The following AFG1L variants were observed in gnomAD, a reference collection of about 807,000 sequenced individuals.
AFG1L encodes AFG1-like ATPase.
AFG1L carries 53 observed loss-of-function variants against 62.2 expected under a neutral mutation model. The observed-to-expected ratio is 0.85, with a 90% CI of 0.68 to 1.07. The LOEUF (loss-of-function observed/expected upper bound fraction) is 1.07. Among genes scored for constraint, AFG1L ranks in the 50% least tolerant of loss-of-function variants. The pLI is 0.00. For missense variants in AFG1L, 555 were observed against 590.5 expected (o/e 0.94, Z 0.62); for synonymous variants, 228 against 210.3 (o/e 1.08, Z -0.73).
chr6:108,501,530 C>A (rs560284773), intron 10 of AFG1L, among the ~76,000 whole-genome samples: 2 of 152,352 alleles, frequency 1.3e-5, no homozygotes, highest in African/African-American at 4.8e-5. Flanking sequence ...GATCATATTA[C>A]TGTCCAATGC....
chr6:108,427,802 G>C (rs752289954), intron 7 of AFG1L, among the ~76,000 whole-genome samples: 11 of 152,110 alleles, frequency 7.2e-5, no homozygotes, highest in Non-Finnish European at 1.0e-4. Flanking sequence ...GATTACAGGC[G>C]TGAGCCACCA....
In AFG1L at chr6:108,522,577, G is replaced by T; in HGVS notation, c.*152G>T. 1 of 727,028 alleles carries T rather than the reference G, an allele frequency of 1.4e-6. No individual in the cohort carries two copies. Among genetic ancestry groups the T allele is most frequent in the Non-Finnish European group, 2.1e-6 (1 of 485,928 alleles). 45.0% of individuals were successfully genotyped at this position (727,028 alleles called of 1,614,324 possible). A position where few individuals can be genotyped will look rare whatever the true frequency, so the allele number is the denominator to read the frequency against. Reference sequence around the variant, plus strand: ...CTAAAATTGCTCTCAAGGATCTAGTGGATTAGTAAGTTAAACACTTAACAT... The same window carrying T: ...CTAAAATTGCTCTCAAGGATCTAGTTGATTAGTAAGTTAAACACTTAACAT... On this transcript the variant is annotated 3_prime_UTR_variant, in exon 13 of 13. Coordinates refer to ENST00000368977, the MANE Select transcript of AFG1L (RefSeq NM_145315.5).
intron 6 of AFG1L, among the ~76,000 whole-genome samples, chr6:108,369,861 C>T (rs1312990213): frequency 2.0e-5 from 3 of 152,130 alleles, no homozygotes; most frequent in Non-Finnish European, 4.4e-5. Flanking sequence ...ACACCTGCCT[C>T]GGCCTCCCAA....
intron 7 of AFG1L, among the ~76,000 whole-genome samples, chr6:108,416,666 T>TGG: frequency 6.6e-6 from 1 of 151,966 alleles, no homozygotes; most frequent in Non-Finnish European, 1.5e-5. Context: ...GAGCAAATTA[T>TGG]CATAAGGACA....
chr6:108,369,885 C>T (rs111608632), intron 6 of AFG1L, among the ~76,000 whole-genome samples: 13,151 of 152,130 alleles, frequency 0.086, 775 homozygotes, highest in South Asian at 0.18. Context: ...GCTAGGATTA[C>T]AGGCGTGAGC....
chr6:108,487,770 C>A (rs1162523840), intron 10 of AFG1L, among the ~76,000 whole-genome samples: 1 of 152,160 alleles, frequency 6.6e-6, no homozygotes, highest in Non-Finnish European at 1.5e-5. Flanking sequence ...AATCAGAAGC[C>A]AAGCATCACG....
chr6:108,518,251 C>A (rs2114915585), intron 11 of AFG1L, among the ~76,000 whole-genome samples: 1 of 152,256 alleles, frequency 6.6e-6, no homozygotes, highest in South Asian at 2.1e-4. Context: ...TTGGAACCAA[C>A]CCAAATGTCC....
At chr6:108,421,815 C>T (rs1400106712) in intron 7 of AFG1L, among the ~76,000 whole-genome samples, 2 of 152,012 alleles carry the variant, frequency 1.3e-5, no homozygotes, top group Admixed American at 1.3e-4. Context: ...CTTAAATCAA[C>T]ACTTCTTTTT....
At chr6:108,345,101 C>T (rs1778815958) in intron 2 of AFG1L, among the ~76,000 whole-genome samples, 1 of 152,158 alleles carries the variant, frequency 6.6e-6, no homozygotes, top group South Asian at 2.1e-4. Context: ...CATTTTCACA[C>T]TTGATGAATA....
At chr6:108,337,381 A>G (rs1314106928) in intron 2 of AFG1L, among the ~76,000 whole-genome samples, 10 of 152,210 alleles carry the variant, frequency 6.6e-5, no homozygotes. Context: ...TGTGTTCACT[A>G]CACATGCAGT....
At chr6:108,354,940 T>C (rs1779209150) in intron 3 of AFG1L, among the ~76,000 whole-genome samples, 1 of 152,212 alleles carries the variant, frequency 6.6e-6, no homozygotes, top group South Asian at 2.1e-4. Context: ...AAGGATTGAC[T>C]GTATCAGAAT....
intron 11 of AFG1L, among the ~76,000 whole-genome samples, chr6:108,513,203 T>G (rs990161477): frequency 2.0e-5 from 3 of 152,206 alleles, no homozygotes; most frequent in African/African-American, 7.2e-5. Flanking sequence ...AGAAGATGAA[T>G]GATTTCTGCA....
chr6:108,353,887 A>G (rs185272080), intron 3 of AFG1L, among the ~76,000 whole-genome samples: 291 of 152,312 alleles, frequency 1.9e-3, no homozygotes, highest in African/African-American at 6.7e-3. Context: ...GTTTTTTCAT[A>G]TACAAAAGCA....
intron 6 of AFG1L, among the ~76,000 whole-genome samples, chr6:108,390,816 AC>A (rs1781023143): frequency 6.6e-6 from 1 of 152,264 alleles, no homozygotes; most frequent in African/African-American, 2.4e-5. Context: ...TGGGTCAGGG[AC>A]CTACTTGAGG....
At chr6:108,388,627 G>A (rs1160140273) in intron 6 of AFG1L, among the ~76,000 whole-genome samples, 1 of 151,338 alleles carries the variant, frequency 6.6e-6, no homozygotes, top group Non-Finnish European at 1.5e-5. Context: ...CCTTCATTTC[G>A]TTATGTACCC....
intron 7 of AFG1L, among the ~76,000 whole-genome samples, chr6:108,432,683 C>T (rs1247219018): frequency 6.6e-6 from 1 of 152,206 alleles, no homozygotes; most frequent in Non-Finnish European, 1.5e-5. Flanking sequence ...TTGGATGGAA[C>T]TGACCAGAGA....
At chr6:108,356,541 C>G in intron 4 of AFG1L, 149 bp from the exon 5 acceptor site, 1 of 519,770 alleles carries the variant, frequency 1.9e-6, no homozygotes, top group Admixed American at 3.8e-5. Context: ...AAAATGCAAA[C>G]AATTTCAATG....
intron 8 of AFG1L, among the ~76,000 whole-genome samples, chr6:108,465,447 C>T (rs1772627741): frequency 6.6e-6 from 1 of 152,058 alleles, no homozygotes; most frequent in Admixed American, 6.6e-5. Context: ...ATTTTTTGTA[C>T]ATTTGTTTTT....
chr6:108,509,648 G>A lies in AFG1L; in HGVS notation c.1063-564G>A, dbSNP rs115649364. Among the ~76,000 whole-genome samples the A allele has an allele frequency of 8.7e-3, 1,327 of 152,198 alleles. 29 individuals are homozygous for A. Among genetic ancestry groups the A allele is most frequent in the African/African-American group, 0.03 (1,227 of 41,528 alleles). On this transcript the variant is annotated intron_variant, in intron 10 of 12. Coordinates refer to ENST00000368977, the MANE Select transcript of AFG1L (RefSeq NM_145315.5). ...TAGAGATATTCTTTAACTCCCCACC[G>A]CACTCTTGTCTTCTCTCTTGCCCCT... is the stretch of plus-strand genomic sequence containing the variant.
Sources: allele counts gnomAD v4.1 joint callset (sites outside exome capture counted in the v4.1 genomes callset), GRCh38; gene constraint gnomAD v4.1.1; transcripts MANE v1.5; gene names NCBI Gene and HGNC (gene_info 2026-07-23, HGNC 2026-07-21).